The following MYO5B variants were observed in gnomAD, a reference collection of about 807,000 sequenced individuals.
MYO5B encodes myosin VB, also known as unconventional myosin-Vb.
MYO5B carries 143 observed loss-of-function variants against 229.3 expected under a neutral mutation model. That is an observed-to-expected ratio of 0.62 (90% confidence interval 0.54 to 0.72). MYO5B has a LOEUF of 0.72. MYO5B is among the 30% of genes least tolerant of loss of function. The pLI is 0.00. For missense variants in MYO5B, 2,321 were observed against 2,331.0 expected, an observed-to-expected ratio of 1.00 and a Z score of 0.09; for synonymous variants, 918 against 885.2, an observed-to-expected ratio of 1.04 and a Z score of -0.66.
rs944463970 is a variant in MYO5B at position 50,088,383 on chromosome 18, T to C, written c.28-33005A>G. 5.9e-5 allele frequency among the ~76,000 whole-genome samples: 9 copies of C among 152,232 alleles called. No homozygotes were observed. The East Asian group carries it at 1.7e-3, about 29-fold the overall frequency. On this transcript the variant is annotated intron_variant, in intron 1 of 39. Transcript: ENST00000285039. ...TACCACACACAGGAAAAATAGGTGA[T>C]GTGCTATTGATTTATTACCACCCTA...
Position 49,902,603 on chromosome 18 carries a change from G to T in MYO5B, c.2802C>A (p.Ile934=). Residue 934 remains isoleucine, a synonymous_variant, in exon 21 of 40, where the codon ATC becomes ATA. Transcript: ENST00000285039. ...ENKVVQLQRK[I]DEQNKEFKTL... Reference sequence around the variant, plus strand: ...AGCTGCAGACACTGACCTGCTCATCGATCTTCCGCTGCAGCTGGACCACCT... The same window carrying T: ...AGCTGCAGACACTGACCTGCTCATCTATCTTCCGCTGCAGCTGGACCACCT... The T allele has an allele frequency of 6.2e-7, 1 of 1,612,256 alleles. No homozygotes were observed. The highest frequency in any genetic ancestry group is 1.3e-5 in the African/African-American group (1 of 75,020).
chr18:50,072,571 G>A lies in MYO5B; in HGVS notation c.28-17193C>T, dbSNP rs1205608066. Among the ~76,000 whole-genome samples the A allele has an allele frequency of 5.9e-5, 9 of 152,180 alleles. No homozygotes were observed. In the East Asian group the frequency reaches 1.7e-3, roughly 29 times the overall value. On this transcript the variant is annotated intron_variant, in intron 1 of 39. Coordinates refer to ENST00000285039, the MANE Select transcript of MYO5B (RefSeq NM_001080467.3). Reference sequence around the variant, plus strand: ...GTAGGAGCTATCTTACCTCACAAGGGCATCAAAAGAGAATAATTCCAATCA... The same window carrying A: ...GTAGGAGCTATCTTACCTCACAAGGACATCAAAAGAGAATAATTCCAATCA...
At chr18:50,068,074 A>G (rs1037060218) in intron 1 of MYO5B, among the ~76,000 whole-genome samples, 23 of 152,016 alleles carry the variant, frequency 1.5e-4, no homozygotes, top group Non-Finnish European at 2.6e-4. Flanking sequence ...ACACTTTTAG[A>G]GTGGAAATAT....
rs548631028 is a variant in MYO5B at position 49,988,421 on chromosome 18, T to C, written c.838+2018A>G. On this transcript the variant is annotated intron_variant, in intron 7 of 39. Coordinates refer to ENST00000285039, the MANE Select transcript of MYO5B (RefSeq NM_001080467.3). ...AGGTGAAAGAGTGGGAAAAAAATACTGATCAAATTGGGTAGTTTTCAAGTG... is the reference window on the plus strand; with the variant it reads ...AGGTGAAAGAGTGGGAAAAAAATACCGATCAAATTGGGTAGTTTTCAAGTG... 2.6e-5 allele frequency among the ~76,000 whole-genome samples: 4 copies of C among 152,306 alleles called. No homozygotes were observed. In the East Asian group the frequency reaches 7.7e-4, roughly 29 times the overall value.
intron 1 of MYO5B, among the ~76,000 whole-genome samples, chr18:50,115,783 G>C (rs1453414656): frequency 6.6e-6 from 1 of 151,186 alleles, no homozygotes; most frequent in Non-Finnish European, 1.5e-5. Context: ...CAGTGTATGG[G>C]GAACAGTTTC....
chr18:50,023,936 T>A (rs1260681382), intron 4 of MYO5B, among the ~76,000 whole-genome samples: 4 of 152,020 alleles, frequency 2.6e-5, no homozygotes, highest in Non-Finnish European at 4.4e-5. Context: ...AGAAAAAAAA[T>A]CTTCACTCTA....
intron 1 of MYO5B, among the ~76,000 whole-genome samples, chr18:50,160,778 A>G (rs1159768438): frequency 1.3e-5 from 2 of 152,098 alleles, no homozygotes; most frequent in Non-Finnish European, 2.9e-5. Flanking sequence ...GCCTAGCCCA[A>G]AGGAAATCCT....
intron 1 of MYO5B, among the ~76,000 whole-genome samples, chr18:50,192,045 TACCAG>T (rs1233340656): frequency 6.7e-6 from 1 of 149,706 alleles, no homozygotes; most frequent in East Asian, 2.0e-4. Context: ...ATGAAGCCTG[TACCAG>T]CAGACCATCC....
Position 49,954,366 on chromosome 18 carries a change from G to T in MYO5B, c.1615C>A (p.Gln539Lys). 6.2e-7 allele frequency: 1 copy of T among 1,614,098 alleles called. No homozygotes were observed. The highest frequency in any genetic ancestry group is 8.5e-7 in the Non-Finnish European group (1 of 1,179,990). ...YDRHSSSQHF[Q>K]KPRMSNTAFI... ...GCCGTGTTGGACATGCGGGGCTTCT[G>T]GAAGTGCTGGCTGCTGGAGTGCCGG... The change falls in exon 13 of 40, where the codon CAG becomes AAG. Residue 539 changes from glutamine (Q) to lysine (K), a missense_variant. By Grantham distance (53) the Gln-to-Lys change is moderately conservative. Transcript: ENST00000285039.
At chr18:49,983,743 T>C (rs903160112) in intron 8 of MYO5B, among the ~76,000 whole-genome samples, 1 of 152,214 alleles carries the variant, frequency 6.6e-6, no homozygotes, top group Non-Finnish European at 1.5e-5. Context: ...GACTGATAGA[T>C]AGGGTTTGTC....
chr18:50,155,120 C>T (rs577816987), intron 1 of MYO5B, among the ~76,000 whole-genome samples: 6 of 152,304 alleles, frequency 3.9e-5, no homozygotes, highest in African/African-American at 7.2e-5. Flanking sequence ...GGTTCACATA[C>T]GTAAGGTTTC....
intron 6 of MYO5B, among the ~76,000 whole-genome samples, chr18:49,990,879 C>T (rs1425577698): frequency 1.3e-5 from 2 of 152,200 alleles, no homozygotes; most frequent in Non-Finnish European, 2.9e-5. Context: ...TGTCAGTACC[C>T]TTCTGTGAGC....
intron 19 of MYO5B, among the ~76,000 whole-genome samples, chr18:49,905,654 T>C (rs990357311): frequency 6.6e-6 from 1 of 152,174 alleles, no homozygotes; most frequent in Non-Finnish European, 1.5e-5. Flanking sequence ...TTTGTGGCGA[T>C]TATTGTCACT....
intron 39 of MYO5B, among the ~76,000 whole-genome samples, chr18:49,833,232 T>C (rs548383610): frequency 6.6e-6 from 1 of 152,370 alleles, no homozygotes; most frequent in Non-Finnish European, 1.5e-5. Context: ...AATCCTCCTG[T>C]GAATGCTTTG....
rs114419815 is a variant in MYO5B at position 49,915,039 on chromosome 18, C to T, written c.2091-2866G>A. 1.8e-4 allele frequency among the ~76,000 whole-genome samples: 27 copies of T among 152,190 alleles called. 1 individual carries two copies. Among genetic ancestry groups the T allele is most frequent in the East Asian group, 7.8e-4 (4 of 5,156 alleles). ...CCCCTCCTCATTGCTCCTTTGCAAA[C>T]GCTTTTCCTGGTCTGGTGGAAGATG... On this transcript the variant is annotated intron_variant, in intron 17 of 39. Transcript: ENST00000285039.
intron 14 of MYO5B, among the ~76,000 whole-genome samples, chr18:49,940,214 C>G (rs1790793): frequency 0.72 from 110,140 of 152,140 alleles, 40,377 homozygotes; most frequent in Middle Eastern, 0.84. Flanking sequence ...ATCAAAACAA[C>G]GCAATGAGTA....
At chr18:49,874,040 T>A (rs72642501) in intron 26 of MYO5B, among the ~76,000 whole-genome samples, 1 of 152,008 alleles carries the variant, frequency 6.6e-6, no homozygotes, top group African/African-American at 2.4e-5. Context: ...ATCCAAGAAC[T>A]TGACCTCCAA....
chr18:50,070,417 G>C (rs1222651067), intron 1 of MYO5B, among the ~76,000 whole-genome samples: 1 of 151,844 alleles, frequency 6.6e-6, no homozygotes, highest in Admixed American at 6.6e-5. Context: ...TCTCATCTGG[G>C]GTGGGGGACA....
chr18:49,997,118 G>T (rs1406430180), intron 5 of MYO5B, among the ~76,000 whole-genome samples: 1 of 151,812 alleles, frequency 6.6e-6, no homozygotes, highest in East Asian at 1.9e-4. Context: ...AATACAAAAG[G>T]TAGCTGGTCA....
Sources: gnomAD v4.1 joint callset for allele counts (sites outside exome capture counted in the v4.1 genomes callset) on GRCh38, gnomAD v4.1.1 for gene constraint, MANE v1.5 for transcripts, NCBI Gene and HGNC (gene_info 2026-07-23, HGNC 2026-07-21) for gene names.